NOTCH2: variants seen among roughly 807,000 people sequenced by gnomAD.
NOTCH2 encodes notch receptor 2.
Under a neutral mutation model 235.8 loss-of-function variants are expected in NOTCH2, and 29 were observed. That is an observed-to-expected ratio of 0.12 (90% confidence interval 0.09 to 0.17). The LOEUF is 0.17. NOTCH2 is among the 10% of genes least tolerant of loss of function. NOTCH2 has a pLI of 1.00. For missense variants in NOTCH2, 2,285 were observed against 3,150.2 expected, an observed-to-expected ratio of 0.73 and a Z score of 6.57; for synonymous variants, 1,086 against 1,141.5, an observed-to-expected ratio of 0.95 and a Z score of 0.98.
chr1:119,963,422 G>A (rs1651019448), intron 11 of NOTCH2, 152 bp downstream of exon 11: 1 of 779,594 alleles, frequency 1.3e-6, no homozygotes, highest in African/African-American at 1.7e-5. Flanking sequence ...CATTTGCCTT[G>A]AGACATTTAT....
intron 12 of NOTCH2, among the ~76,000 whole-genome samples, chr1:119,957,093 A>G (rs1055419035): frequency 1.3e-5 from 2 of 152,230 alleles, no homozygotes; most frequent in Admixed American, 1.3e-4. Flanking sequence ...AGTCCCATTC[A>G]TTCGTTCATT....
intron 1 of NOTCH2, among the ~76,000 whole-genome samples, chr1:120,063,004 A>G (rs1332117708): frequency 2.6e-5 from 4 of 151,826 alleles, no homozygotes; most frequent in Non-Finnish European, 5.9e-5. Context: ...AGGAGAAAAA[A>G]CAGATCTACG....
chr1:119,962,043 A>C (rs1452361366), intron 11 of NOTCH2, among the ~76,000 whole-genome samples: 4 of 152,158 alleles, frequency 2.6e-5, no homozygotes, highest in African/African-American at 9.7e-5. Flanking sequence ...TTCTCCAAAT[A>C]ACTGCAGGAA....
At chr1:119,981,237 C>T (rs1167249937) in intron 5 of NOTCH2, among the ~76,000 whole-genome samples, 2 of 146,220 alleles carry the variant, frequency 1.4e-5, no homozygotes, top group East Asian at 3.9e-4. Flanking sequence ...CGATCACCTT[C>T]CTTACCCCAC....
chr1:119,927,360 C>T (rs74117505), intron 23 of NOTCH2, among the ~76,000 whole-genome samples: 4 of 152,018 alleles, frequency 2.6e-5, no homozygotes, highest in South Asian at 2.1e-4. Context: ...TTTTGGCCAA[C>T]GAGATCAAGC....
Position 119,916,456 on chromosome 1 carries a change from C to G in NOTCH2, c.6266G>C (p.Arg2089Thr), listed in dbSNP as rs2101144627. The G allele has an allele frequency of 6.2e-7, 1 of 1,613,380 alleles. No individual in the cohort carries two copies. The highest frequency in any genetic ancestry group is 8.5e-7 in the Non-Finnish European group (1 of 1,179,382). Residue 2089 changes from arginine (R) to threonine (T), a missense_variant, in exon 34 of 34, where the codon AGA becomes ACA. This residue lies in a region of NOTCH2 where 504 missense variants were observed against 538.0 expected (regional missense o/e 0.94). Coordinates refer to ENST00000256646, the MANE Select transcript of NOTCH2 (RefSeq NM_024408.4). ...GGTGTGCTTCAGGCTGAGGAAAGATCTGTTGGGCCCACAGATGACAGGTGA... is the reference window on the plus strand; with the variant it reads ...GGTGTGCTTCAGGCTGAGGAAAGATGTGTTGGGCCCACAGATGACAGGTGA... ...ALSPVICGPNRSFLSLKHTPM... is the reference protein window; with the variant it reads ...ALSPVICGPNTSFLSLKHTPM...
chr1:119,955,979 A>AT lies in NOTCH2; in HGVS notation c.2027-748dup, dbSNP rs587631187. Among the ~76,000 whole-genome samples the AT allele has an allele frequency of 1.8e-4, 28 of 152,316 alleles. No homozygotes were observed. In the South Asian group the frequency reaches 5.6e-3, roughly 30 times the overall value. ...TGATGAATAGAATCTAGCAAACCAT[A>AT]TTTTTTTAAATGTAGGTGGTGTAAA... On this transcript the variant is annotated intron_variant, in intron 12 of 33. Transcript: ENST00000256646.
intron 23 of NOTCH2, among the ~76,000 whole-genome samples, chr1:119,927,465 C>T (rs1050213078): frequency 3.3e-5 from 5 of 152,222 alleles, no homozygotes; most frequent in African/African-American, 1.2e-4. Flanking sequence ...GACCACCAGT[C>T]CCTTGCTGTT....
chr1:119,929,498 T>A (rs781939664), intron 22 of NOTCH2, among the ~76,000 whole-genome samples: 1 of 152,180 alleles, frequency 6.6e-6, no homozygotes, highest in Admixed American at 6.5e-5. Context: ...ATTTGTCCCA[T>A]CTCAAAGAGA....
intron 14 of NOTCH2, among the ~76,000 whole-genome samples, chr1:119,951,635 C>A (rs1201195014): frequency 1.3e-5 from 2 of 152,216 alleles, no homozygotes; most frequent in Non-Finnish European, 2.9e-5. Flanking sequence ...TGATTCAAGG[C>A]ATGAAACCTT....
rs1650442818 is a variant in NOTCH2, at chr1:119,950,802, A to G, written c.2401T>C (p.Ser801Pro). ...GTTCCTTGGTTCAGGCATGGATTTG[A>G]GGCACATTCATCAATATTCACCTGG... The part of the protein sequence containing the change: ...NCQVNIDECA[S>P]NPCLNQGTCF... Residue 801 changes from serine (S) to proline (P), a missense_variant, in exon 15 of 34, where the codon TCA becomes CCA. Physicochemically the swap from Ser to Pro is moderately conservative, Grantham distance 74. Coordinates refer to ENST00000256646, the MANE Select transcript of NOTCH2 (RefSeq NM_024408.4). 5.0e-6 allele frequency: 8 copies of G among 1,614,112 alleles called. No individual in the cohort carries two copies. The highest frequency in any genetic ancestry group is 6.8e-6 in the Non-Finnish European group (8 of 1,179,916).
chr1:119,966,279 C>T, intron 9 of NOTCH2, 97 bp downstream of exon 9: 3 of 835,834 alleles, frequency 3.6e-6, no homozygotes, highest in Non-Finnish European at 6.4e-6. Flanking sequence ...ATGATTTCCT[C>T]ATGCACAGCC....
intron 33 of NOTCH2, among the ~76,000 whole-genome samples, chr1:119,917,056 G>A (rs766502303): frequency 6.6e-6 from 1 of 152,012 alleles, no homozygotes; most frequent in South Asian, 2.1e-4. Context: ...AAATAAGAAA[G>A]GTAGGAATAG....
Position 119,918,565 on chromosome 1 carries a change from G to C in NOTCH2, c.5782-12C>G, listed in dbSNP as rs765911146. 6.2e-7 allele frequency: 1 copy of C among 1,613,800 alleles called. No homozygotes were observed. The highest frequency in any genetic ancestry group is 1.7e-5 in the Admixed American group (1 of 59,994). On this transcript the variant is annotated splice_polypyrimidine_tract_variant and intron_variant, in intron 31 of 33. Coordinates refer to ENST00000256646, the MANE Select transcript of NOTCH2 (RefSeq NM_024408.4). ...TTGCGAATCAGAATCTAGAAGAGGA[G>C]AAAGTACAGAAAAGAGAGTCACCTG...
intron 6 of NOTCH2, among the ~76,000 whole-genome samples, chr1:119,969,258 A>G (rs182006712): frequency 3.1e-4 from 47 of 152,348 alleles, no homozygotes; most frequent in Non-Finnish European, 5.9e-4. Context: ...TCCAAAGACA[A>G]TAGTTACTAA....
intron 1 of NOTCH2, among the ~76,000 whole-genome samples, chr1:120,030,922 A>C (rs1332237425): frequency 1.3e-5 from 1 of 78,962 alleles, no homozygotes. Context: ...TCATCACCAA[A>C]ATACATATCA....
intron 2 of NOTCH2, among the ~76,000 whole-genome samples, chr1:120,024,610 T>C (rs1247404588): frequency 7.2e-6 from 1 of 138,160 alleles, no homozygotes; most frequent in East Asian, 2.1e-4. Flanking sequence ...TTAGACAAAA[T>C]GTGACACAAA....
chr1:119,997,021 T>C lies in NOTCH2; in HGVS notation c.727A>G (p.Thr243Ala), dbSNP rs1652486809. 1 of 1,613,946 alleles carries C rather than the reference T, an allele frequency of 6.2e-7. No homozygotes were observed. Among genetic ancestry groups the C allele is most frequent in the Admixed American group, 1.7e-5 (1 of 60,020 alleles). The change falls in exon 4 of 34, where the codon ACT (threonine) becomes GCT (alanine). Residue 243 changes from threonine to alanine, a missense_variant. Around this residue, in one of 6 missense-constraint regions of NOTCH2, gnomAD observed 431 missense variants for 757.8 expected, o/e 0.57. Coordinates refer to ENST00000256646, the MANE Select transcript of NOTCH2 (RefSeq NM_024408.4). ...CCTGGAAGGCAGTTGCACTCAAAAG[T>C]GAAGTCACCAGTCTGCCGACAGGTG... The part of the protein sequence containing the change: ...GGTCRQTGDF[T>A]FECNCLPGFE...
chr1:119,930,793 A>C (rs952913118), intron 22 of NOTCH2, among the ~76,000 whole-genome samples: 1 of 146,100 alleles, frequency 6.8e-6, no homozygotes, highest in Admixed American at 6.9e-5. Flanking sequence ...AATAATAATA[A>C]TCATAATTAA....
Sources: allele counts gnomAD v4.1 joint callset (sites outside exome capture counted in the v4.1 genomes callset), GRCh38; gene constraint gnomAD v4.1.1; regional missense constraint gnomAD v4.1.1; transcripts MANE v1.5; gene names NCBI Gene and HGNC (gene_info 2026-07-23, HGNC 2026-07-21).